The following PIGS variants were observed in gnomAD, a reference collection of about 807,000 sequenced individuals.
PIGS encodes the protein GPI-anchor transamidase component PIGS.
Under a neutral mutation model 58.2 loss-of-function variants are expected in PIGS, and 37 were observed. That is an observed-to-expected ratio of 0.64 (90% confidence interval 0.49 to 0.84). PIGS has a LOEUF of 0.84. PIGS is among the 40% of genes least tolerant of loss of function. PIGS has a pLI of 0.00. For missense variants in PIGS, 629 were observed against 710.8 expected (o/e 0.88, Z 1.31); for synonymous variants, 269 against 289.2 (o/e 0.93, Z 0.71).
At chr17:28,559,072 C>T (rs2070347236) in intron 7 of PIGS, among the ~76,000 whole-genome samples, 2 of 152,036 alleles carry the variant, frequency 1.3e-5, no homozygotes, top group Admixed American at 6.5e-5. Context: ...CTCCACCTCC[C>T]GGGTTCAAGC....
At chr17:28,565,335 T>C (rs967473635) in intron 3 of PIGS, among the ~76,000 whole-genome samples, 1 of 152,078 alleles carries the variant, frequency 6.6e-6, no homozygotes, top group Non-Finnish European at 1.5e-5. Flanking sequence ...CTGAAGGACA[T>C]AAAATATCTG....
Position 28,553,835 on chromosome 17 carries a change from G to C in PIGS, c.*385C>G, listed in dbSNP as rs1281513340. The C allele has an allele frequency of 3.9e-6, 1 of 255,548 alleles. No individual in the cohort carries two copies. The highest frequency in any genetic ancestry group is 7.6e-6 in the Non-Finnish European group (1 of 131,634). The allele number at this position is 255,548 out of a possible 1,614,324, so 15.8% of individuals were successfully genotyped here. A position where few individuals can be genotyped will look rare whatever the true frequency, so the allele number is the denominator to read the frequency against. On this transcript the variant is annotated 3_prime_UTR_variant, in exon 12 of 12. Coordinates refer to ENST00000308360, the MANE Select transcript of PIGS (RefSeq NM_033198.4). ...GGCTAGGGCTGTCCCACAGGGACTA[G>C]AGAGAGGTGTGGAAGGCAGGGACTT...
chr17:28,556,338 G>C (rs2070328331), intron 9 of PIGS, 72 bp from the exon 10 acceptor site: 2 of 1,173,358 alleles, frequency 1.7e-6, no homozygotes, highest in Non-Finnish European at 2.6e-6. Flanking sequence ...GCACTCTGGA[G>C]AGAAAAGGAA....
At chr17:28,556,680 C>T (rs2070330810) in intron 9 of PIGS, 147 bp downstream of exon 9, 1 of 1,073,948 alleles carries the variant, frequency 9.3e-7, no homozygotes, top group African/African-American at 1.6e-5. Flanking sequence ...GGCATGAGCA[C>T]ATAGCACCCT....
At position 28,571,513 on chromosome 17, in the gene PIGS, T is replaced by C; in HGVS notation, c.-17A>G. 6.3e-7 allele frequency: 1 copy of C among 1,599,516 alleles called. No homozygotes were observed. The highest frequency in any genetic ancestry group is 8.5e-7 in the Non-Finnish European group (1 of 1,173,324). ...GGCCGCCATGCTAGCTTCCGGCTGC[T>C]CCGGCCACCGTGGGGGCAGAGCTTC... On this transcript the variant is annotated 5_prime_UTR_variant, in exon 1 of 12. Coordinates refer to ENST00000308360, the MANE Select transcript of PIGS (RefSeq NM_033198.4).
At chr17:28,557,821 A>C in intron 8 of PIGS, among the ~76,000 whole-genome samples, 1 of 152,236 alleles carries the variant, frequency 6.6e-6, no homozygotes, top group East Asian at 1.9e-4. Flanking sequence ...CAGAACTGTC[A>C]ATTCAAATTC....
In PIGS at chr17:28,558,526, A is replaced by C. The variant is rs752422527; in HGVS notation, c.884T>G (p.Leu295Trp). 21 of 1,613,238 alleles carry C rather than the reference A, an allele frequency of 1.3e-5. No individual in the cohort carries two copies. Among genetic ancestry groups the C allele is most frequent in the Non-Finnish European group, 1.8e-5 (21 of 1,179,808 alleles). Residue 295 changes from leucine to tryptophan, a missense_variant, in exon 8 of 12, where the codon TTG becomes TGG. Leu to Trp is a moderately conservative substitution (Grantham distance 61, BLOSUM62 -2). Coordinates refer to ENST00000308360, the MANE Select transcript of PIGS (RefSeq NM_033198.4). ...RFDSASSSYY[L>W]DMHSLPHVIN... Reference sequence around the variant, plus strand: ...GACATGGGGGAGGCTGTGCATGTCCAAATAGTAGCTGGAGGAAGCTGAGTC... The same window carrying C: ...GACATGGGGGAGGCTGTGCATGTCCCAATAGTAGCTGGAGGAAGCTGAGTC...
chr17:28,554,960 C>A lies in PIGS; in HGVS notation c.1283G>T (p.Trp428Leu). 1 of 1,612,474 alleles carries A rather than the reference C, an allele frequency of 6.2e-7. No homozygotes were observed. The highest frequency in any genetic ancestry group is 8.5e-7 in the Non-Finnish European group (1 of 1,179,098). Reference sequence around the variant, plus strand: ...GGCCAGGTTCTCCACTGACCGAGCCCAGAGCAGCCGGTCTAGCTCCCAGGT... The same window carrying A: ...GGCCAGGTTCTCCACTGACCGAGCCAAGAGCAGCCGGTCTAGCTCCCAGGT... Reference protein sequence around the residue: ...LMTWELDRLLWARSVENLATA... With the variant: ...LMTWELDRLLLARSVENLATA... Residue 428 changes from tryptophan to leucine, a missense_variant, in exon 11 of 12, where the codon TGG becomes TTG. Physicochemically the swap from Trp to Leu is moderately conservative, Grantham distance 61. Transcript: ENST00000308360.
At chr17:28,555,362 A>C (rs574409488) in intron 10 of PIGS, 1 of 364,962 alleles carries the variant, frequency 2.7e-6, no homozygotes, top group Non-Finnish European at 5.0e-6. Flanking sequence ...AACTCAGTTT[A>C]ATCCTTTCAC....
At chr17:28,567,862 G>GCTCTTAA (rs1347083941) in intron 3 of PIGS, among the ~76,000 whole-genome samples, 23 of 152,280 alleles carry the variant, frequency 1.5e-4, no homozygotes, top group African/African-American at 5.3e-4. Context: ...TACAACACTT[G>GCTCTTAA]CTCTTAACTC....
In PIGS at chr17:28,570,684, A is replaced by G. The variant is rs142163031; in HGVS notation, c.286+168T>C. 5.3e-3 allele frequency among the ~76,000 whole-genome samples: 801 copies of G among 152,310 alleles called. 4 individuals carry two copies. Among genetic ancestry groups the G allele is most frequent in the African/African-American group, 0.018 (759 of 41,564 alleles). ...TTACGAGTAAAATTGCTATTTAGTG[A>G]CTGTGAATTTGAAAGTAGTTTTTTT... On this transcript the variant is annotated intron_variant, in intron 3 of 11. Coordinates refer to ENST00000308360, the MANE Select transcript of PIGS (RefSeq NM_033198.4).
intron 3 of PIGS, among the ~76,000 whole-genome samples, chr17:28,569,464 G>T (rs2070414332): frequency 1.4e-5 from 2 of 138,780 alleles, no homozygotes; most frequent in South Asian, 2.2e-4. Flanking sequence ...AACAAAGAGA[G>T]ACCCTTTCTC....
chr17:28,557,022 T>C, intron 8 of PIGS, 50 bp from the exon 9 acceptor site: 1 of 1,608,810 alleles, frequency 6.2e-7, no homozygotes, highest in Non-Finnish European at 8.5e-7. Flanking sequence ...GACCTGGACC[T>C]TAGTCCCAGG....
At chr17:28,559,874 G>A (rs1474574567) in intron 7 of PIGS, among the ~76,000 whole-genome samples, 175 bp downstream of exon 7, 1 of 152,048 alleles carries the variant, frequency 6.6e-6, no homozygotes, top group East Asian at 1.9e-4. Flanking sequence ...ATGGATGGAT[G>A]GACACAGACA....
rs371988281 is a variant in PIGS, at chr17:28,553,639, GAC to G, written c.*579_*580del. ...AAATCTGGAACTTTCTGGAACCTCTGACACACACACACACACACACACACACA... is the reference window on the plus strand; with the variant it reads ...AAATCTGGAACTTTCTGGAACCTCTGACACACACACACACACACACACACA... On this transcript the variant is annotated 3_prime_UTR_variant, in exon 12 of 12. Transcript: ENST00000308360. The G allele has an allele frequency of 0.031, 4,424 of 144,508 alleles. 61 individuals are homozygous for G. Among genetic ancestry groups the G allele is most frequent in the Non-Finnish European group, 0.036 (2,400 of 66,054 alleles). The allele number at this position is 144,508 out of a possible 1,614,324, so 9.0% of individuals were successfully genotyped here.
In PIGS at chr17:28,566,117, T is replaced by G. The variant is rs186630455; in HGVS notation, c.287-2210A>C. 1.0e-3 allele frequency among the ~76,000 whole-genome samples: 153 copies of G among 151,166 alleles called. 1 individual carries two copies. Among genetic ancestry groups the G allele is most frequent in the African/African-American group, 3.1e-3 (127 of 41,206 alleles). ...GCACATTCTTGTAGTCTCAGCTACT[T>G]GGGAGCTTGAGAGCTTGAGGTAAGA... On this transcript the variant is annotated intron_variant, in intron 3 of 11. Coordinates refer to ENST00000308360, the MANE Select transcript of PIGS (RefSeq NM_033198.4).
At chr17:28,563,371 G>A (rs957382310) in intron 5 of PIGS, 60 bp downstream of exon 5, 17 of 1,341,686 alleles carry the variant, frequency 1.3e-5, no homozygotes, top group Middle Eastern at 1.8e-4. Flanking sequence ...AGAAGGAGGT[G>A]ACCCAGGAGT....
In PIGS at chr17:28,558,570, C is replaced by A; in HGVS notation, c.840G>T (p.Leu280Phe). 6.2e-7 allele frequency: 1 copy of A among 1,611,456 alleles called. No individual in the cohort carries two copies. The highest frequency in any genetic ancestry group is 8.5e-7 in the Non-Finnish European group (1 of 1,178,854). Residue 280 changes from leucine (L) to phenylalanine (F), a missense_variant, in exon 8 of 12, where the codon TTG becomes TTT. Leu to Phe is a conservative substitution (Grantham distance 22). Transcript: ENST00000308360. ...VDSQILYYAMLGVNPRFDSAS... is the reference protein window; with the variant it reads ...VDSQILYYAMFGVNPRFDSAS... ...CTGAGTCAAAGCGGGGATTCACCCC[C>A]AACATTGCATAGTAAAGAATCTGTA...
chr17:28,559,604 G>A (rs2070350320), intron 7 of PIGS, among the ~76,000 whole-genome samples: 1 of 150,752 alleles, frequency 6.6e-6, no homozygotes, highest in South Asian at 2.1e-4. Context: ...AGGAGGCTGA[G>A]TCAGGAGAAT....
Sources: allele counts gnomAD v4.1 joint callset (sites outside exome capture counted in the v4.1 genomes callset), GRCh38; gene constraint gnomAD v4.1.1; transcripts MANE v1.5; gene names NCBI Gene and HGNC (gene_info 2026-07-23, HGNC 2026-07-21).